Variants in PIK3C2G observed in about 807,000 individuals in gnomAD.
PIK3C2G encodes phosphatidylinositol 3-kinase C2 domain-containing subunit gamma.
PIK3C2G carries 168 observed loss-of-function variants against 181.1 expected under a neutral mutation model. That is an observed-to-expected ratio of 0.93 (90% confidence interval 0.82 to 1.05). The LOEUF is 1.05. PIK3C2G is among the 50% of genes least tolerant of loss of function. The probability of loss-of-function intolerance (pLI) is 0.00; values close to 1 mark genes in which losing one functional copy is unlikely to be tolerated. For missense variants in PIK3C2G, 1,869 were observed against 1,732.8 expected (o/e 1.08, Z -1.40); for synonymous variants, 573 against 592.2 (o/e 0.97, Z 0.47).
intron 28 of PIK3C2G, among the ~76,000 whole-genome samples, chr12:18,566,023 T>A (rs1393917729): frequency 6.6e-6 from 1 of 152,192 alleles, no homozygotes; most frequent in Non-Finnish European, 1.5e-5. Flanking sequence ...TGATTAAATT[T>A]GGATAAAAAT....
chr12:18,412,260 A>T (rs1157854735), intron 16 of PIK3C2G, among the ~76,000 whole-genome samples: 3 of 152,156 alleles, frequency 2.0e-5, no homozygotes, highest in Non-Finnish European at 4.4e-5. Context: ...GCCACATAAC[A>T]ATGATCCATG....
chr12:18,592,666 A>G lies in PIK3C2G; in HGVS notation c.4012-1828A>G, dbSNP rs568728098. On this transcript the variant is annotated intron_variant, in intron 29 of 32. Coordinates refer to ENST00000538779, the MANE Select transcript of PIK3C2G (RefSeq NM_001288772.2). Reference sequence around the variant, plus strand: ...AAATAACACACAATTTGCAAGGGGCATTAATGACAAAATTCGATTTATGTG... The same window carrying G: ...AAATAACACACAATTTGCAAGGGGCGTTAATGACAAAATTCGATTTATGTG... Among the ~76,000 whole-genome samples, 26 of 152,072 alleles carry G rather than the reference A, an allele frequency of 1.7e-4. No homozygotes were observed. In the South Asian group the frequency reaches 5.4e-3, roughly 31 times the overall value.
chr12:18,367,679 C>T (rs1269168572), intron 12 of PIK3C2G, among the ~76,000 whole-genome samples: 1 of 152,038 alleles, frequency 6.6e-6, no homozygotes, highest in Non-Finnish European at 1.5e-5. Context: ...CTCAGCCTCC[C>T]AAGTAGCTGG....
At chr12:18,626,420 G>T (rs1285698928) in intron 31 of PIK3C2G, among the ~76,000 whole-genome samples, 1 of 151,666 alleles carries the variant, frequency 6.6e-6, no homozygotes, top group African/African-American at 2.4e-5. Context: ...TTTTGTCTTT[G>T]TGCCTGGGAT....
At chr12:18,541,569 A>G (rs1416299318) in intron 25 of PIK3C2G, among the ~76,000 whole-genome samples, 4 of 151,906 alleles carry the variant, frequency 2.6e-5, no homozygotes, top group Non-Finnish European at 4.4e-5. Context: ...TCTCTATGTG[A>G]TGGGGAAGAG....
intron 15 of PIK3C2G, among the ~76,000 whole-genome samples, chr12:18,399,086 T>C (rs910474764): frequency 6.7e-6 from 1 of 148,798 alleles, no homozygotes; most frequent in African/African-American, 2.5e-5. Flanking sequence ...TCCCAGCTAC[T>C]TGGGAGGCTG....
At chr12:18,723,464 C>G in the PIK3C2G span, 5 of 1,612,884 alleles carry the variant, frequency 3.1e-6, no homozygotes, top group Non-Finnish European at 4.2e-6. Flanking sequence ...TCAATAATTT[C>G]TTCTCTGTGC....
Position 18,511,688 on chromosome 12 carries a change from T to C in PIK3C2G, c.3323+6227T>C, listed in dbSNP as rs190051098. Among the ~76,000 whole-genome samples the C allele has an allele frequency of 9.8e-3, 1,488 of 152,200 alleles. 22 individuals are homozygous for C. Among genetic ancestry groups the C allele is most frequent in the Non-Finnish European group, 0.015 (988 of 67,940 alleles). On this transcript the variant is annotated intron_variant, in intron 24 of 32. Transcript: ENST00000538779. ...TATTTGTTTTCTTGCTATTAAGTTA[T>C]TTGAGTTTCTTATATATTTTGGATA...
At chr12:18,530,247 C>T (rs1943476296) in intron 24 of PIK3C2G, among the ~76,000 whole-genome samples, 1 of 152,194 alleles carries the variant, frequency 6.6e-6, no homozygotes, top group Non-Finnish European at 1.5e-5. Flanking sequence ...CTTCCTTTCT[C>T]TTATAATAGA....
chr12:18,306,130 G>A (rs995108529), intron 5 of PIK3C2G, among the ~76,000 whole-genome samples: 3 of 151,900 alleles, frequency 2.0e-5, no homozygotes, highest in Non-Finnish European at 2.9e-5. Context: ...TGTACTATAT[G>A]TACGAAGAAA....
intron 5 of PIK3C2G, among the ~76,000 whole-genome samples, chr12:18,306,278 T>C (rs942782753): frequency 3.3e-5 from 5 of 152,016 alleles, no homozygotes; most frequent in Non-Finnish European, 4.4e-5. Flanking sequence ...TATTAGCTGT[T>C]GGTATCAATT....
chr12:18,485,655 A>G (rs1345395543), intron 18 of PIK3C2G, among the ~76,000 whole-genome samples: 3 of 152,208 alleles, frequency 2.0e-5, no homozygotes, highest in Non-Finnish European at 4.4e-5. Flanking sequence ...TAGGGTAAAC[A>G]GGTCTCTGGC....
At chr12:18,430,968 C>A (rs375726950) in intron 18 of PIK3C2G, among the ~76,000 whole-genome samples, 1 of 152,014 alleles carries the variant, frequency 6.6e-6, no homozygotes, top group Admixed American at 6.6e-5. Context: ...ATAATCTTCC[C>A]TCAACTCTTT....
chr12:18,653,013 C>G (rs1950584548), downstream of PIK3C2G, among the ~76,000 whole-genome samples: 2 of 152,148 alleles, frequency 1.3e-5, no homozygotes, highest in South Asian at 4.2e-4. Flanking sequence ...CACACAGTCA[C>G]CCCCTCAAAC....
chr12:18,417,487 T>C (rs1384953750), intron 16 of PIK3C2G, among the ~76,000 whole-genome samples: 1 of 152,148 alleles, frequency 6.6e-6, no homozygotes, highest in Non-Finnish European at 1.5e-5. Context: ...AGCTTCATTG[T>C]TGCCTTTATT....
intron 14 of PIK3C2G, among the ~76,000 whole-genome samples, chr12:18,388,397 C>A (rs1052389730): frequency 1.3e-5 from 2 of 152,184 alleles, no homozygotes; most frequent in East Asian, 1.9e-4. Context: ...GCCTCAGCCT[C>A]CCAAGTAGCT....
At chr12:18,508,428 C>T (rs1941983632) in intron 24 of PIK3C2G, among the ~76,000 whole-genome samples, 2 of 152,226 alleles carry the variant, frequency 1.3e-5, no homozygotes, top group East Asian at 3.9e-4. Context: ...TTCTTCCATA[C>T]TAGGTTCATT....
chr12:18,580,131 C>CAAA (rs34226663), intron 29 of PIK3C2G, among the ~76,000 whole-genome samples: 10,758 of 104,776 alleles, frequency 0.1, 523 homozygotes, highest in Non-Finnish European at 0.15. Flanking sequence ...GACTCTGTCT[C>CAAA]AAAAAAAAAA....
At chr12:18,510,667 G>T (rs1465865648) in intron 24 of PIK3C2G, among the ~76,000 whole-genome samples, 1 of 152,074 alleles carries the variant, frequency 6.6e-6, no homozygotes, top group Non-Finnish European at 1.5e-5. Flanking sequence ...TTAAGGTCAG[G>T]TACACTGGAG....
Sources: allele counts gnomAD v4.1 joint callset (sites outside exome capture counted in the v4.1 genomes callset), GRCh38; gene constraint gnomAD v4.1.1; transcripts MANE v1.5; gene names NCBI Gene and HGNC (gene_info 2026-07-23, HGNC 2026-07-21).